The following RASSF3 variants were observed in gnomAD, a reference collection of about 807,000 sequenced individuals.
The protein encoded by RASSF3 is ras association domain-containing protein 3.
A neutral mutation model predicts 19.9 loss-of-function variants in RASSF3; 19 were observed. The ratio of observed to expected loss-of-function variants is 0.96; its 90% CI spans 0.67 to 1.40. RASSF3 has a LOEUF of 1.40. Among genes scored for constraint, RASSF3 ranks in the 40% most tolerant of loss-of-function variants. RASSF3 has a pLI of 0.00. For synonymous variants in RASSF3, 110 were observed against 104.2 expected (o/e 1.06, Z -0.34); for missense variants, 306 against 289.8 (o/e 1.06, Z -0.41).
intron 1 of RASSF3, among the ~76,000 whole-genome samples, chr12:64,614,139 T>C (rs1321221098): frequency 6.6e-6 from 1 of 151,220 alleles, no homozygotes; most frequent in Non-Finnish European, 1.5e-5. Context: ...ATTTCTTTTT[T>C]TTTTTTTTTT....
chr12:64,682,520 T>C (rs1204029210), intron 1 of RASSF3, among the ~76,000 whole-genome samples: 1 of 144,298 alleles, frequency 6.9e-6, no homozygotes, highest in African/African-American at 2.6e-5. Context: ...TGAGCCCAGA[T>C]CCGGCCACTG....
chr12:64,543,452 G>GCTCCCCGCCTGC (rs1868985891), downstream of RASSF3, among the ~76,000 whole-genome samples: 2 of 10,868 alleles, frequency 1.8e-4, no homozygotes, highest in African/African-American at 8.6e-4. Context: ...GTGCCCGCCC[G>GCTCCCCGCCTGC]CCCCCCGCTC....
chr12:64,689,683 G>T (rs1220311856), intron 3 of RASSF3, among the ~76,000 whole-genome samples: 1 of 152,138 alleles, frequency 6.6e-6, no homozygotes, highest in Non-Finnish European at 1.5e-5. Context: ...AACATGATTG[G>T]CAATGTCACT....
intron 2 of RASSF3, among the ~76,000 whole-genome samples, chr12:64,561,987 G>GTATTATTTATT (rs1555209199): frequency 3.0e-5 from 4 of 135,342 alleles, no homozygotes; most frequent in African/African-American, 1.1e-4. Flanking sequence ...ATGGCCCATA[G>GTATTATTTATT]TATTTATTTA....
chr12:64,676,166 A>T (rs79353626), intron 1 of RASSF3, among the ~76,000 whole-genome samples: 7 of 106,408 alleles, frequency 6.6e-5, no homozygotes, highest in East Asian at 6.1e-4. Context: ...CAGGAGTAGA[A>T]TTTTTTTTTT....
intron 2 of RASSF3, among the ~76,000 whole-genome samples, chr12:64,594,502 G>T (rs1869969355): frequency 6.6e-6 from 1 of 152,028 alleles, no homozygotes. Flanking sequence ...TTATAAATTT[G>T]AATGTATAAC....
At chr12:64,688,540 A>T in intron 3 of RASSF3, 87 bp downstream of exon 3, 1 of 955,362 alleles carries the variant, frequency 1.0e-6, no homozygotes, top group South Asian at 1.4e-5. Context: ...GGTGGGTCTC[A>T]TCCATGTCAG....
chr12:64,692,280 A>G (rs557613396), intron 4 of RASSF3, among the ~76,000 whole-genome samples: 15 of 152,268 alleles, frequency 9.9e-5, no homozygotes, highest in African/African-American at 3.4e-4. Flanking sequence ...ACATGGTGCA[A>G]TTGAGAATAG....
rs1182263796 is a variant in RASSF3 at position 64,696,658 on chromosome 12, AC to A, written c.*1749del. On this transcript the variant is annotated 3_prime_UTR_variant, in exon 5 of 5. Coordinates refer to ENST00000542104, the MANE Select transcript of RASSF3 (RefSeq NM_178169.4). ...TGGCTCTTCTGACTTTTTGGAGAAT[AC>A]CCATCTTGTTGGAGGCAGACTTAAG... 1 of 152,024 alleles carries A rather than the reference AC, an allele frequency of 6.6e-6. No individual in the cohort carries two copies. The highest frequency in any genetic ancestry group is 6.6e-5 in the Admixed American group (1 of 15,248). 9.4% of individuals were successfully genotyped at this position (152,024 alleles called of 1,614,324 possible).
At chr12:64,650,408 CTTTTTTT>C (rs67304103) in intron 1 of RASSF3, among the ~76,000 whole-genome samples, 1,774 of 85,532 alleles carry the variant, frequency 0.021, 40 homozygotes, top group African/African-American at 0.079. Flanking sequence ...TTTTTTTTTC[CTTTTTTT>C]TTTTTTTTTT....
rs191561452 is a variant in RASSF3, at chr12:64,690,944, T to C, written c.458-526T>C. 4.5e-3 allele frequency among the ~76,000 whole-genome samples: 679 copies of C among 152,116 alleles called. 6 individuals are homozygous for C. Among genetic ancestry groups the C allele is most frequent in the African/African-American group, 0.016 (658 of 41,500 alleles). On this transcript the variant is annotated intron_variant, in intron 3 of 4. Transcript: ENST00000542104. ...GGCACGATCTCGGCTCACTCCAACC[T>C]CCACCTCCCAGGTTTGAGTGATTCT...
intron 1 of RASSF3, among the ~76,000 whole-genome samples, chr12:64,656,047 T>C (rs1177263665): frequency 1.3e-5 from 2 of 149,768 alleles, no homozygotes; most frequent in Non-Finnish European, 3.0e-5. Context: ...AAAAAAAAAA[T>C]TATAAATCCT....
chr12:64,670,604 T>C (rs1277951638), intron 1 of RASSF3, among the ~76,000 whole-genome samples: 1 of 151,730 alleles, frequency 6.6e-6, no homozygotes, highest in Non-Finnish European at 1.5e-5. Context: ...TGTAGGTATC[T>C]TAACAGCACT....
intron 1 of RASSF3, among the ~76,000 whole-genome samples, chr12:64,672,934 T>C (rs879365241): frequency 6.6e-6 from 1 of 152,240 alleles, no homozygotes; most frequent in Non-Finnish European, 1.5e-5. Context: ...TTCAGATTCC[T>C]GCTGCTGGTG....
At chr12:64,654,851 A>C (rs1872100741) in intron 1 of RASSF3, 1 of 152,092 alleles carries the variant, frequency 6.6e-6, no homozygotes, top group African/African-American at 2.4e-5. Flanking sequence ...GGTTGACGGA[A>C]CGAGACTCTG....
chr12:64,594,892 C>G (rs1335179002), intron 2 of RASSF3, among the ~76,000 whole-genome samples: 1 of 151,862 alleles, frequency 6.6e-6, no homozygotes, highest in Non-Finnish European at 1.5e-5. Context: ...GGACTATAGG[C>G]AGGTACCACC....
At chr12:64,648,088 A>C (rs1871804994) in intron 1 of RASSF3, among the ~76,000 whole-genome samples, 1 of 152,200 alleles carries the variant, frequency 6.6e-6, no homozygotes, top group Non-Finnish European at 1.5e-5. Context: ...GATCATAGAC[A>C]TGTGAACACT....
chr12:64,558,067 G>A (rs951072040), intron 2 of RASSF3, among the ~76,000 whole-genome samples: 1 of 152,144 alleles, frequency 6.6e-6, no homozygotes, highest in African/African-American at 2.4e-5. Context: ...GATGGAGGGT[G>A]CCCAATATAG....
chr12:64,531,494 A>G (rs967948544), upstream of RASSF3, among the ~76,000 whole-genome samples: 4 of 152,256 alleles, frequency 2.6e-5, no homozygotes, highest in Admixed American at 6.5e-5. Context: ...ATTCAGTGGC[A>G]TTAATGTTAA....
Sources: gnomAD v4.1 joint callset for allele counts (sites outside exome capture counted in the v4.1 genomes callset) on GRCh38, gnomAD v4.1.1 for gene constraint, MANE v1.5 for transcripts, NCBI Gene and HGNC (gene_info 2026-07-23, HGNC 2026-07-21) for gene names.